The following CPNE4 variants were observed in gnomAD, a reference collection of about 807,000 sequenced individuals.
CPNE4 encodes copine 4.
In CPNE4, 25 loss-of-function variants were observed where a neutral mutation model predicts 67.9. The ratio of observed to expected loss-of-function variants is 0.37; its 90% CI spans 0.27 to 0.51. The LOEUF (loss-of-function observed/expected upper bound fraction) is 0.51, where lower values mean the gene tolerates loss of function less well. Among genes scored for constraint, CPNE4 ranks in the 20% least tolerant of loss-of-function variants. CPNE4 has a pLI of 0.93. For synonymous variants in CPNE4, 242 were observed against 244.9 expected (o/e 0.99, Z 0.11); for missense variants, 464 against 690.8 (o/e 0.67, Z 3.68).
intron 1 of CPNE4, among the ~76,000 whole-genome samples, chr3:131,974,825 T>C (rs1374926763): frequency 6.6e-6 from 1 of 152,074 alleles, no homozygotes. Flanking sequence ...CTGGGCAACA[T>C]GGCAAAACCC....
chr3:131,793,701 T>C (rs767275141), intron 2 of CPNE4, among the ~76,000 whole-genome samples: 3 of 152,244 alleles, frequency 2.0e-5, no homozygotes, highest in Non-Finnish European at 4.4e-5. Flanking sequence ...GAATATTTAA[T>C]ACTCAGATTG....
intron 1 of CPNE4, among the ~76,000 whole-genome samples, chr3:131,990,817 A>G (rs1161348662): frequency 1.5e-5 from 2 of 135,782 alleles, no homozygotes; most frequent in African/African-American, 4.9e-5. Context: ...TTGAATTATA[A>G]TTCCCATAAT....
intron 7 of CPNE4, among the ~76,000 whole-genome samples, chr3:131,662,990 TA>T (rs2080165401): frequency 6.6e-6 from 1 of 152,210 alleles, no homozygotes; most frequent in Admixed American, 6.5e-5. Context: ...TAAATCATTC[TA>T]CTATAAAGAC....
chr3:131,604,051 G>C (rs764875773), intron 7 of CPNE4, among the ~76,000 whole-genome samples: 1 of 152,076 alleles, frequency 6.6e-6, no homozygotes, highest in Non-Finnish European at 1.5e-5. Flanking sequence ...AACTTTGGAA[G>C]AGTAATTGCA....
intron 2 of CPNE4, among the ~76,000 whole-genome samples, chr3:131,888,843 C>G (rs990819334): frequency 1.3e-5 from 2 of 152,170 alleles, no homozygotes; most frequent in Non-Finnish European, 2.9e-5. Context: ...TAGTAAGAAA[C>G]TTGGCAGACA....
chr3:131,738,699 G>A (rs937324711), intron 2 of CPNE4, among the ~76,000 whole-genome samples: 9 of 151,952 alleles, frequency 5.9e-5, no homozygotes, highest in African/African-American at 2.2e-4. Context: ...TAATTACCTA[G>A]GGGATATGTT....
At chr3:132,037,662 C>T, upstream of CPNE4, 1 of 1,492,768 alleles carries the variant, frequency 6.7e-7, no homozygotes, top group Non-Finnish European at 9.0e-7. Flanking sequence ...CTGGTGTTCC[C>T]AAGTTGCAAA....
intron 2 of CPNE4, among the ~76,000 whole-genome samples, chr3:131,758,275 C>T (rs1389328709): frequency 6.6e-6 from 1 of 152,136 alleles, no homozygotes; most frequent in Non-Finnish European, 1.5e-5. Context: ...GAAGAGCTGT[C>T]CAAGACCATG....
intron 1 of CPNE4, among the ~76,000 whole-genome samples, chr3:131,929,794 G>A (rs1252786815): frequency 6.6e-6 from 1 of 152,150 alleles, no homozygotes; most frequent in African/African-American, 2.4e-5. Context: ...AATCTTTAAA[G>A]GAGCTCTCCT....
At chr3:132,009,539 A>G (rs2073696384) in intron 1 of CPNE4, among the ~76,000 whole-genome samples, 1 of 152,194 alleles carries the variant, frequency 6.6e-6, no homozygotes, top group Admixed American at 6.5e-5. Context: ...AGGTTCAAAG[A>G]GAGGGTGTCT....
intron 2 of CPNE4, among the ~76,000 whole-genome samples, chr3:131,799,655 C>A (rs1223918315): frequency 2.6e-5 from 4 of 152,110 alleles, no homozygotes; most frequent in African/African-American, 9.7e-5. Context: ...AAATTTGGGG[C>A]CACATACAAT....
In CPNE4 at chr3:131,564,282, G is replaced by C. The variant is rs202245105; in HGVS notation, c.995C>G (p.Pro332Arg). 1 of 1,613,024 alleles carries C rather than the reference G, an allele frequency of 6.2e-7. No individual in the cohort carries two copies. The highest frequency in any genetic ancestry group is 8.5e-7 in the Non-Finnish European group (1 of 1,179,338). The part of the protein sequence containing the change: ...RNSCSLHYIH[P>R]YQPNEYLKAL... ...TTTCAGATACTCATTGGGTTGGTAA[G>C]GGTGGATGTAGTGCAAGGAACAGCT... Residue 332 changes from proline to arginine, a missense_variant, in exon 11 of 16, where the codon CCT (proline) becomes CGT (arginine). Physicochemically the swap from Pro to Arg is moderately radical, Grantham distance 103. Transcript: ENST00000429747.
chr3:131,538,735 T>C (rs1258415700), intron 15 of CPNE4: 1 of 152,236 alleles, frequency 6.6e-6, no homozygotes, highest in East Asian at 1.9e-4. Context: ...CCTCATAAGA[T>C]GTCAGTATCA....
chr3:131,760,819 A>G (rs1288684076), intron 2 of CPNE4, among the ~76,000 whole-genome samples: 1 of 152,146 alleles, frequency 6.6e-6, no homozygotes, highest in Admixed American at 6.6e-5. Flanking sequence ...GCCCTTCTTC[A>G]CAAAATGAGA....
intron 10 of CPNE4, among the ~76,000 whole-genome samples, chr3:131,567,590 C>T (rs1166954677): frequency 1.3e-5 from 2 of 151,932 alleles, no homozygotes; most frequent in African/African-American, 4.8e-5. Context: ...ACTGACCCTA[C>T]TATGTCATTT....
At chr3:131,941,005 A>T (rs1286184903) in intron 1 of CPNE4, among the ~76,000 whole-genome samples, 1 of 152,102 alleles carries the variant, frequency 6.6e-6, no homozygotes, top group Non-Finnish European at 1.5e-5. Context: ...ACGAAATAAG[A>T]GGAAACAAAA....
chr3:131,546,269 A>G (rs934381094), intron 14 of CPNE4, among the ~76,000 whole-genome samples: 1 of 152,202 alleles, frequency 6.6e-6, no homozygotes, highest in Non-Finnish European at 1.5e-5. Context: ...TCGAAACCTG[A>G]TAGAAATTTC....
intron 1 of CPNE4, among the ~76,000 whole-genome samples, chr3:131,908,325 T>C (rs868172283): frequency 6.6e-6 from 1 of 152,148 alleles, no homozygotes; most frequent in Non-Finnish European, 1.5e-5. Flanking sequence ...TGACAGAGTA[T>C]ACAGAAAATG....
intron 1 of CPNE4, among the ~76,000 whole-genome samples, chr3:131,948,262 CCAT>C (rs2071618825): frequency 6.6e-6 from 1 of 152,084 alleles, no homozygotes; most frequent in African/African-American, 2.4e-5. Flanking sequence ...GCAGTTTCCC[CCAT>C]GTTGTTCTTG....
Sources: gnomAD v4.1 joint callset for allele counts (sites outside exome capture counted in the v4.1 genomes callset) on GRCh38, gnomAD v4.1.1 for gene constraint, MANE v1.5 for transcripts, NCBI Gene and HGNC (gene_info 2026-07-23, HGNC 2026-07-21) for gene names.